Variants in B3GALT1 observed in about 807,000 individuals in gnomAD.
B3GALT1 encodes UDP-Gal:betaGlcNAc beta 1,3-galactosyltransferase, polypeptide 1.
Under a neutral mutation model 23.2 loss-of-function variants are expected in B3GALT1, and 10 were observed. The observed-to-expected ratio is 0.43, with a 90% CI of 0.27 to 0.73. The LOEUF is 0.73. B3GALT1 is among the 30% of genes least tolerant of loss of function. The pLI is 0.21. For missense variants in B3GALT1, 299 were observed against 405.4 expected, an observed-to-expected ratio of 0.74 and a Z score of 2.25; for synonymous variants, 156 against 141.5, an observed-to-expected ratio of 1.10 and a Z score of -0.73.
chr2:167,727,025 T>C (rs951352234), intron 3 of B3GALT1, among the ~76,000 whole-genome samples: 1 of 152,342 alleles, frequency 6.6e-6, no homozygotes. Flanking sequence ...ACCCCTTTCT[T>C]TGTCCCAGGT....
chr2:167,655,295 A>G (rs529859415), intron 3 of B3GALT1, among the ~76,000 whole-genome samples: 2 of 152,324 alleles, frequency 1.3e-5, no homozygotes, highest in South Asian at 4.1e-4. Flanking sequence ...GTGTACTGCA[A>G]TTTCATAATA....
At chr2:167,310,641 G>A (rs1382214432) in intron 1 of B3GALT1, among the ~76,000 whole-genome samples, 1 of 151,990 alleles carries the variant, frequency 6.6e-6, no homozygotes, top group Non-Finnish European at 1.5e-5. Context: ...AAGTGTGGTT[G>A]GGGAGGTAGC....
Position 167,600,240 on chromosome 2 carries a change from C to T in B3GALT1, c.-409-46669C>T, listed in dbSNP as rs566797867. On this transcript the variant is annotated intron_variant, in intron 2 of 4. Coordinates refer to ENST00000392690, the MANE Select transcript of B3GALT1 (RefSeq NM_020981.4). The stretch of plus-strand genomic sequence containing the variant: ...ATGGTAGCATCCCACAATCAGTCAT[C>T]ACCCCTCTTTTACAACTCCAAGGCC... Among the ~76,000 whole-genome samples, 22 of 152,286 alleles carry T rather than the reference C, an allele frequency of 1.4e-4. No individual in the cohort carries two copies. The South Asian group carries it at 4.6e-3, about 32-fold the overall frequency.
chr2:167,578,078 G>A (rs1031816463), intron 2 of B3GALT1, among the ~76,000 whole-genome samples: 1 of 151,850 alleles, frequency 6.6e-6, no homozygotes, highest in African/African-American at 2.4e-5. Flanking sequence ...TTGAACAACA[G>A]GAATGTTAGT....
At chr2:167,864,995 T>A (rs1690182168) in intron 4 of B3GALT1, among the ~76,000 whole-genome samples, 1 of 152,226 alleles carries the variant, frequency 6.6e-6, no homozygotes, top group African/African-American at 2.4e-5. Context: ...TATAAACTTT[T>A]TTCATGTTCT....
At chr2:167,514,565 C>T (rs1700074058) in intron 2 of B3GALT1, among the ~76,000 whole-genome samples, 1 of 152,114 alleles carries the variant, frequency 6.6e-6, no homozygotes, top group African/African-American at 2.4e-5. Context: ...GCATCAGAGC[C>T]AAGTATAAAT....
chr2:167,564,564 C>G (rs910549587), intron 2 of B3GALT1, among the ~76,000 whole-genome samples: 1 of 152,212 alleles, frequency 6.6e-6, no homozygotes, highest in Non-Finnish European at 1.5e-5. Context: ...GCACTCCAGC[C>G]TGGGCACCAC....
chr2:167,536,892 T>C (rs1683438662), intron 2 of B3GALT1, among the ~76,000 whole-genome samples: 1 of 152,040 alleles, frequency 6.6e-6, no homozygotes, highest in Admixed American at 6.6e-5. Context: ...GTAGCTGCCC[T>C]TCAACTCCAA....
chr2:167,650,178 T>G (rs1398155620), intron 3 of B3GALT1, among the ~76,000 whole-genome samples: 1 of 151,042 alleles, frequency 6.6e-6, no homozygotes, highest in Non-Finnish European at 1.5e-5. Context: ...AAGACCATTT[T>G]TTTTCCTCTT....
intron 2 of B3GALT1, among the ~76,000 whole-genome samples, chr2:167,521,015 G>T (rs1700179586): frequency 6.6e-6 from 1 of 151,806 alleles, no homozygotes; most frequent in Non-Finnish European, 1.5e-5. Context: ...TAGATGGTCT[G>T]CTACTGTGGA....
At chr2:167,773,408 T>C (rs1688105091) in intron 3 of B3GALT1, among the ~76,000 whole-genome samples, 1 of 152,240 alleles carries the variant, frequency 6.6e-6, no homozygotes, top group Admixed American at 6.5e-5. Flanking sequence ...CTAACACTTC[T>C]AAATGGTTTA....
intron 4 of B3GALT1, among the ~76,000 whole-genome samples, chr2:167,837,332 G>C (rs1689503174): frequency 6.6e-6 from 1 of 151,740 alleles, no homozygotes; most frequent in Admixed American, 6.6e-5. Flanking sequence ...GATGGAGGAA[G>C]ATCTACCAAG....
chr2:167,690,332 TACTC>T (rs888484149), intron 3 of B3GALT1, among the ~76,000 whole-genome samples: 4 of 152,002 alleles, frequency 2.6e-5, no homozygotes, highest in African/African-American at 9.7e-5. Context: ...TGAAAATAAT[TACTC>T]AGTAAAAGTA....
intron 2 of B3GALT1, among the ~76,000 whole-genome samples, chr2:167,625,944 T>TAC (rs1685334007): frequency 9.6e-5 from 1 of 10,440 alleles, no homozygotes; most frequent in Non-Finnish European, 3.9e-4. Flanking sequence ...GACTAGGCCA[T>TAC]ATATATATAT....
At chr2:167,569,900 T>A (rs1402147391) in intron 2 of B3GALT1, among the ~76,000 whole-genome samples, 1 of 151,924 alleles carries the variant, frequency 6.6e-6, no homozygotes, top group East Asian at 1.9e-4. Context: ...ATGATTATAT[T>A]GATGTGTATT....
intron 2 of B3GALT1, among the ~76,000 whole-genome samples, chr2:167,547,055 G>T (rs1019984954): frequency 6.6e-6 from 1 of 152,170 alleles, no homozygotes; most frequent in Non-Finnish European, 1.5e-5. Context: ...CACTAGCTCA[G>T]AAAGCTGAGC....
chr2:167,843,952 A>G (rs1461351976), intron 4 of B3GALT1, among the ~76,000 whole-genome samples: 1 of 152,224 alleles, frequency 6.6e-6, no homozygotes, highest in Non-Finnish European at 1.5e-5. Flanking sequence ...AGAACCAAGA[A>G]CAATGTCATC....
At chr2:167,477,128 C>T (rs181556107) in intron 1 of B3GALT1, among the ~76,000 whole-genome samples, 161 of 152,288 alleles carry the variant, frequency 1.1e-3, no homozygotes, top group African/African-American at 3.6e-3. Context: ...AAATTCCTCC[C>T]ACTTATAAGC....
At chr2:167,564,564 C>T (rs910549587) in intron 2 of B3GALT1, among the ~76,000 whole-genome samples, 5 of 152,212 alleles carry the variant, frequency 3.3e-5, no homozygotes, top group Non-Finnish European at 4.4e-5. Context: ...GCACTCCAGC[C>T]TGGGCACCAC....
Sources: allele counts gnomAD v4.1 joint callset (sites outside exome capture counted in the v4.1 genomes callset), GRCh38; gene constraint gnomAD v4.1.1; transcripts MANE v1.5; gene names NCBI Gene and HGNC (gene_info 2026-07-23, HGNC 2026-07-21).